Variants in PHACTR2 observed in about 807,000 individuals in gnomAD.
PHACTR2 encodes chromosome 6 open reading frame 56.
Under a neutral mutation model 76.0 loss-of-function variants are expected in PHACTR2, and 30 were observed. That is an observed-to-expected ratio of 0.39 (90% CI 0.30 to 0.54). The LOEUF is 0.54. Ranked by LOEUF, PHACTR2 falls within the 20% of genes least tolerant of loss-of-function variation. The probability of loss-of-function intolerance (pLI) is 0.61; values close to 1 mark genes in which losing one functional copy is unlikely to be tolerated. For synonymous variants in PHACTR2, 292 were observed against 292.5 expected, an observed-to-expected ratio of 1.00 and a Z score of 0.02; for missense variants, 696 against 781.1, an observed-to-expected ratio of 0.89 and a Z score of 1.30.
At chr6:143,693,458 G>A (rs12206069) in intron 1 of PHACTR2, among the ~76,000 whole-genome samples, 21,881 of 152,122 alleles carry the variant, frequency 0.14, 1,728 homozygotes, top group East Asian at 0.34. Context: ...GGCTGGTCTC[G>A]AAATCCTGAC....
At position 143,583,867 on chromosome 6, in the gene PHACTR2, C is replaced by G. The variant is rs1037930870; in HGVS notation, c.217+46660C>G. Among the ~76,000 whole-genome samples the G allele has an allele frequency of 2.6e-5, 4 of 152,240 alleles. No homozygotes were observed. The highest frequency in any genetic ancestry group is 2.6e-4 in the Admixed American group (4 of 15,282). On this transcript the variant is annotated intron_variant, in intron 1 of 11. Transcript: ENST00000367584. This position sits in a 1 kb window ranked among gnomAD's most constrained non-coding sequence, Gnocchi z 4.0. ...TAACCAGAATTCATTCAAAGGAGGA[C>G]TTCCAGAATTCTGAGAGGTCTAGAG... is the stretch of plus-strand genomic sequence containing the variant.
Position 143,539,403 on chromosome 6 carries a change from A to T in PHACTR2, c.217+2196A>T, listed in dbSNP as rs1043660361. 1.3e-5 allele frequency among the ~76,000 whole-genome samples: 2 copies of T among 152,220 alleles called. No individual in the cohort carries two copies. The highest frequency in any genetic ancestry group is 4.8e-5 in the African/African-American group (2 of 41,444). On this transcript the variant is annotated intron_variant, in intron 1 of 11. Transcript: ENST00000367584. The surrounding 1 kb of genome is among the most constrained non-coding windows in gnomAD (Gnocchi z 4.3). ...ATGTGATCAGGAGCTCCCTGCTCTT[A>T]GAGTCAGAGAGAAAAAGAATGAGCA...
At position 143,688,733 on chromosome 6, in the gene PHACTR2, C is replaced by T. The variant is rs12525429; in HGVS notation, c.46+10524C>T. Among the ~76,000 whole-genome samples the T allele has an allele frequency of 3.3e-5, 5 of 152,200 alleles. No individual in the cohort carries two copies. Among genetic ancestry groups the T allele is most frequent in the South Asian group, 2.1e-4 (1 of 4,832 alleles). On this transcript the variant is annotated intron_variant, in intron 1 of 12. Transcript: ENST00000440869. This position sits in a 1 kb window ranked among gnomAD's most constrained non-coding sequence, Gnocchi z 5.2. Reference sequence around the variant, plus strand: ...CTCTTCCGTCTGTCCCTACTGCCACCGTCCAAGCTCTGGGGCCATCCATTA... The same window carrying T: ...CTCTTCCGTCTGTCCCTACTGCCACTGTCCAAGCTCTGGGGCCATCCATTA...
rs988159739 is a variant in PHACTR2 at position 143,589,803 on chromosome 6, C to T, written c.217+52596C>T. Among the ~76,000 whole-genome samples the T allele has an allele frequency of 6.6e-6, 1 of 152,202 alleles. No homozygotes were observed. The highest frequency in any genetic ancestry group is 2.4e-5 in the African/African-American group (1 of 41,442). ...GGAGGGGACACAATTCAGTCCATTGCACTAATCTTATGCAAACTATTTCAT... is the reference window on the plus strand; with the variant it reads ...GGAGGGGACACAATTCAGTCCATTGTACTAATCTTATGCAAACTATTTCAT... On this transcript the variant is annotated intron_variant, in intron 1 of 11. Transcript: ENST00000367584. The surrounding 1 kb of genome is among the most constrained non-coding windows in gnomAD (Gnocchi z 4.4).
At position 143,659,515 on chromosome 6, in the gene PHACTR2, C is replaced by T. The variant is rs1217429837; in HGVS notation, c.13+51193C>T. 3.3e-5 allele frequency among the ~76,000 whole-genome samples: 5 copies of T among 152,172 alleles called. No homozygotes were observed. Among genetic ancestry groups the T allele is most frequent in the Non-Finnish European group, 7.3e-5 (5 of 68,034 alleles). ...TCCTTGCAGAATGCCAGACTGAGGG[C>T]TCAGTTTCTTGCTGGCTGTGAGTGG... is the stretch of plus-strand genomic sequence containing the variant. On this transcript the variant is annotated intron_variant, in intron 1 of 11. Coordinates refer to the PHACTR2 transcript ENST00000305766. This position sits in a 1 kb window ranked among gnomAD's most constrained non-coding sequence, Gnocchi z 5.0.
At position 143,646,008 on chromosome 6, in the gene PHACTR2, A is replaced by G. The variant is rs1435274492; in HGVS notation, c.13+37686A>G. On this transcript the variant is annotated intron_variant, in intron 1 of 11. Coordinates refer to the PHACTR2 transcript ENST00000305766. This position sits in a 1 kb window ranked among gnomAD's most constrained non-coding sequence, Gnocchi z 4.1. ...ATATAACAATAGTCTATCAGAAAAG[A>G]TGAAGCATAGATTTAAAAAAACTGG... Among the ~76,000 whole-genome samples, 2 of 152,222 alleles carry G rather than the reference A, an allele frequency of 1.3e-5. No individual in the cohort carries two copies. The highest frequency in any genetic ancestry group is 2.9e-5 in the Non-Finnish European group (2 of 68,022).
chr6:143,788,967 T>C, intron 11 of PHACTR2, 57 bp downstream of exon 11: 1 of 1,509,422 alleles, frequency 6.6e-7, no homozygotes, highest in South Asian at 1.2e-5. Context: ...AGCTCCAATA[T>C]CCACATCCCC....
Position 143,772,090 on chromosome 6 carries a change from T to G in PHACTR2, c.1233-168T>G, listed in dbSNP as rs1775165258. ...TTTTACAGATGAAAAATGTAAAACCTTGAGAATTAAGGTTTCATTTCAGTG... is the reference window on the plus strand; with the variant it reads ...TTTTACAGATGAAAAATGTAAAACCGTGAGAATTAAGGTTTCATTTCAGTG... On this transcript the variant is annotated intron_variant, in intron 6 of 12. Coordinates refer to ENST00000440869, the MANE Select transcript of PHACTR2 (RefSeq NM_001100164.2). The surrounding 1 kb of genome is among the most constrained non-coding windows in gnomAD (Gnocchi z 5.4). Among the ~76,000 whole-genome samples, 4 of 152,214 alleles carry G rather than the reference T, an allele frequency of 2.6e-5. 1 individual carries two copies. In the South Asian group the frequency reaches 8.3e-4, roughly 32 times the overall value.
At chr6:143,779,789 A>G (rs1775375398) in intron 9 of PHACTR2, among the ~76,000 whole-genome samples, 1 of 151,926 alleles carries the variant, frequency 6.6e-6, no homozygotes, top group African/African-American at 2.4e-5. Context: ...TGACCACAGG[A>G]CAAATTATAT....
At position 143,829,385 on chromosome 6, in the gene PHACTR2, T is replaced by C. The variant is rs1461936005; in HGVS notation, c.*5696T>C. On this transcript the variant is annotated 3_prime_UTR_variant, in exon 13 of 13. Transcript: ENST00000440869. Reference sequence around the variant, plus strand: ...CCTGGTTATGCTGCATCCCATAAGTTCCAAATGAATCACCTGCTTATCCTA... The same window carrying C: ...CCTGGTTATGCTGCATCCCATAAGTCCCAAATGAATCACCTGCTTATCCTA... 1 of 152,124 alleles carries C rather than the reference T, an allele frequency of 6.6e-6. No individual in the cohort carries two copies. The highest frequency in any genetic ancestry group is 2.4e-5 in the African/African-American group (1 of 41,422). The allele number at this position is 152,124 out of a possible 1,614,324, so 9.4% of individuals were successfully genotyped here.
At chr6:143,586,713 A>G (rs534681940) in intron 1 of PHACTR2, among the ~76,000 whole-genome samples, 23 of 152,224 alleles carry the variant, frequency 1.5e-4, no homozygotes, top group Non-Finnish European at 3.2e-4. Context: ...CTCCAGGGTC[A>G]TTGGGTCACT....
chr6:143,602,722 C>A lies in PHACTR2; in HGVS notation c.217+65515C>A, dbSNP rs1582692217. 6.6e-6 allele frequency among the ~76,000 whole-genome samples: 1 copy of A among 152,188 alleles called. No homozygotes were observed. The highest frequency in any genetic ancestry group is 2.4e-5 in the African/African-American group (1 of 41,446). The stretch of plus-strand genomic sequence containing the variant: ...GTTGTCCAAGTGTGGATTCACCAAA[C>A]CACCTTGGCCAAAAGTCCAAACTTG... On this transcript the variant is annotated intron_variant, in intron 1 of 11. Transcript: ENST00000367584. The surrounding 1 kb of genome is among the most constrained non-coding windows in gnomAD (Gnocchi z 6.1).
Position 143,553,345 on chromosome 6 carries a change from G to GCAC in PHACTR2, c.217+16138_217+16139insCAC, listed in dbSNP as rs1343421208. ...TACAGAAGTGACTGTGCATTTTAAA[G>GCAC]AGAGAATGAAGGAGTATAGAGGGAG... On this transcript the variant is annotated intron_variant, in intron 1 of 11. Transcript: ENST00000367584. This position sits in a 1 kb window ranked among gnomAD's most constrained non-coding sequence, Gnocchi z 4.2. Among the ~76,000 whole-genome samples the GCAC allele has an allele frequency of 2.0e-5, 3 of 152,232 alleles. No individual in the cohort carries two copies. Among genetic ancestry groups the GCAC allele is most frequent in the Admixed American group, 2.0e-4 (3 of 15,292 alleles).
At position 143,829,888 on chromosome 6, in the gene PHACTR2, G is replaced by A. The variant is rs1171101521; in HGVS notation, c.*6199G>A. On this transcript the variant is annotated 3_prime_UTR_variant, in exon 13 of 13. Transcript: ENST00000440869. ...AGTATTTTTTTTTTAAGAATAAATTGTAAGGAGCAAATAAGGCAGAATGCC... is the reference window on the plus strand; with the variant it reads ...AGTATTTTTTTTTTAAGAATAAATTATAAGGAGCAAATAAGGCAGAATGCC... 1 of 151,984 alleles carries A rather than the reference G, an allele frequency of 6.6e-6. No homozygotes were observed. The highest frequency in any genetic ancestry group is 1.5e-5 in the Non-Finnish European group (1 of 68,000). 9.4% of individuals were successfully genotyped at this position (151,984 alleles called of 1,614,324 possible). A position where few individuals can be genotyped will look rare whatever the true frequency, so the allele number is the denominator to read the frequency against.
intron 3 of PHACTR2, among the ~76,000 whole-genome samples, chr6:143,752,583 G>C (rs925623933): frequency 6.6e-6 from 1 of 152,098 alleles, no homozygotes; most frequent in Non-Finnish European, 1.5e-5. Flanking sequence ...ACTAAGCAAC[G>C]ATTGCTTTTT....
At chr6:143,582,538 T>C (rs1775587684) in intron 1 of PHACTR2, among the ~76,000 whole-genome samples, 7 of 152,036 alleles carry the variant, frequency 4.6e-5, no homozygotes, top group Admixed American at 4.6e-4. Context: ...TGATCAGGTA[T>C]GGATTTATAA....
intron 1 of PHACTR2, among the ~76,000 whole-genome samples, chr6:143,703,682 A>G (rs1313224987): frequency 6.6e-6 from 1 of 152,204 alleles, no homozygotes; most frequent in Non-Finnish European, 1.5e-5. Flanking sequence ...TTTTTCAAAT[A>G]CTTTTGCCAT....
chr6:143,634,920 AT>A (rs797010837), intron 1 of PHACTR2, among the ~76,000 whole-genome samples: 16 of 149,544 alleles, frequency 1.1e-4, no homozygotes, highest in Admixed American at 2.7e-4. Context: ...TCATTTTCTC[AT>A]TTTTTTTTTA....
At chr6:143,728,221 T>G (rs1156824982) in intron 2 of PHACTR2, among the ~76,000 whole-genome samples, 1 of 141,898 alleles carries the variant, frequency 7.0e-6, no homozygotes, top group Non-Finnish European at 1.5e-5. Context: ...TCTTTCTTTT[T>G]TTTTTTTTTT....
Sources: gnomAD v4.1 joint callset for allele counts (sites outside exome capture counted in the v4.1 genomes callset) on GRCh38, gnomAD v4.1.1 for gene constraint, Gnocchi (gnomAD v3.1) non-coding constraint, MANE v1.5 for transcripts, NCBI Gene and HGNC (gene_info 2026-07-23, HGNC 2026-07-21) for gene names.